The following NETO2 variants were observed in gnomAD, a reference collection of about 807,000 sequenced individuals.
The protein encoded by NETO2 is neuropilin and tolloid like 2, also known as neuropilin and tolloid-like protein 2.
NETO2 carries 28 observed loss-of-function variants against 62.5 expected under a neutral mutation model. That is an observed-to-expected ratio of 0.45 (90% CI 0.33 to 0.61). NETO2 has a LOEUF of 0.61. Ranked by LOEUF, NETO2 falls within the 20% of genes least tolerant of loss-of-function variation. The pLI is 0.02. For missense variants in NETO2, 548 were observed against 643.2 expected, an observed-to-expected ratio of 0.85 and a Z score of 1.60; for synonymous variants, 214 against 219.1, an observed-to-expected ratio of 0.98 and a Z score of 0.21.
At chr16:47,125,035 GCTGA>G (rs991121540) in intron 4 of NETO2, among the ~76,000 whole-genome samples, 5 of 152,112 alleles carry the variant, frequency 3.3e-5, no homozygotes, top group African/African-American at 9.7e-5. Flanking sequence ...TATGAAGTTG[GCTGA>G]CTTTGTCTTT....
intron 1 of NETO2, among the ~76,000 whole-genome samples, chr16:47,141,387 G>C (rs1596756410): frequency 6.6e-6 from 1 of 151,952 alleles, no homozygotes; most frequent in Non-Finnish European, 1.5e-5. Context: ...TAATGGGAAA[G>C]GCCAGTATCT....
In NETO2 at chr16:47,086,410, T is replaced by G. The variant is rs575858445; in HGVS notation, c.884-71A>C. On this transcript the variant is annotated intron_variant, in intron 7 of 8. Transcript: ENST00000562435. ...GATTTTATTTCATACATAACAAATC[T>G]GACTTTATAAGAGTACTTTCTTACC... 39 of 993,650 alleles carry G rather than the reference T, an allele frequency of 3.9e-5. No homozygotes were observed. The Admixed American group carries it at 4.1e-4, about 10-fold the overall frequency. The allele number at this position is 993,650 out of a possible 1,614,324, so 61.6% of individuals were successfully genotyped here.
intron 7 of NETO2, among the ~76,000 whole-genome samples, chr16:47,094,448 C>T (rs886350472): frequency 6.8e-6 from 1 of 146,962 alleles, no homozygotes; most frequent in Non-Finnish European, 1.5e-5. Flanking sequence ...TATTTAGAGA[C>T]GGAGTCTTAC....
chr16:47,128,002 C>T (rs1312968964), intron 4 of NETO2, among the ~76,000 whole-genome samples: 2 of 152,108 alleles, frequency 1.3e-5, no homozygotes, highest in Non-Finnish European at 2.9e-5. Context: ...GAAAACAAGA[C>T]AATTTGTTGA....
intron 1 of NETO2, among the ~76,000 whole-genome samples, chr16:47,139,476 TGG>T (rs1193385717): frequency 1.3e-5 from 2 of 152,212 alleles, no homozygotes; most frequent in Non-Finnish European, 2.9e-5. Context: ...AGCAACTCAG[TGG>T]TAAACATAAA....
In NETO2 at chr16:47,122,427, AT is replaced by A. The variant is rs545939977; in HGVS notation, c.654+229del. Among the ~76,000 whole-genome samples, 447 of 152,330 alleles carry A rather than the reference AT, an allele frequency of 2.9e-3. 1 individual carries two copies. Among genetic ancestry groups the A allele is most frequent in the African/African-American group, 0.01 (425 of 41,574 alleles). On this transcript the variant is annotated intron_variant, in intron 6 of 8. Coordinates refer to ENST00000562435, the MANE Select transcript of NETO2 (RefSeq NM_018092.5). ...TAATCTTTTATAATTGAGAATCTTA[AT>A]ATATATGTAATATTCCTGAAGAATT...
At position 47,083,028 on chromosome 16, in the gene NETO2, G is replaced by A. The variant is rs1452436255; in HGVS notation, c.*193C>T. 2.6e-5 allele frequency: 14 copies of A among 529,114 alleles called. No homozygotes were observed. Among genetic ancestry groups the A allele is most frequent in the Non-Finnish European group, 4.6e-5 (14 of 303,834 alleles). The allele number at this position is 529,114 out of a possible 1,614,324, so 32.8% of individuals were successfully genotyped here. A position where few individuals can be genotyped will look rare whatever the true frequency, so the allele number is the denominator to read the frequency against. Reference sequence around the variant, plus strand: ...ATGATTATTGTTTCCACTGAATAGAGTAAGTTCCTTGATTGGTTTAACATA... The same window carrying A: ...ATGATTATTGTTTCCACTGAATAGAATAAGTTCCTTGATTGGTTTAACATA... On this transcript the variant is annotated 3_prime_UTR_variant, in exon 9 of 9. Transcript: ENST00000562435.
intron 7 of NETO2, among the ~76,000 whole-genome samples, chr16:47,086,540 A>T (rs1217009524): frequency 6.6e-6 from 1 of 152,230 alleles, no homozygotes. Flanking sequence ...GCTAGGCCCC[A>T]AAAGGTCACT....
chr16:47,143,842 G>T lies in NETO2; in HGVS notation c.-230C>A, dbSNP rs1964518922. The stretch of plus-strand genomic sequence containing the variant: ...CGACGGGCGCCGCCTCCTGCTCCGC[G>T]GCGCCCCGTCCCATCGACCGCCCGA... On this transcript the variant is annotated 5_prime_UTR_variant, in exon 1 of 9. Coordinates refer to ENST00000562435, the MANE Select transcript of NETO2 (RefSeq NM_018092.5). 4.9e-6 allele frequency: 2 copies of T among 411,940 alleles called. No homozygotes were observed. Among genetic ancestry groups the T allele is most frequent in the Non-Finnish European group, 7.5e-6 (2 of 267,212 alleles). 25.5% of individuals were successfully genotyped at this position (411,940 alleles called of 1,614,324 possible). A position where few individuals can be genotyped will look rare whatever the true frequency, so the allele number is the denominator to read the frequency against.
At position 47,078,981 on chromosome 16, in the gene NETO2, C is replaced by G. The variant is rs1200877249; in HGVS notation, c.*4240G>C. The G allele has an allele frequency of 6.6e-6, 1 of 152,240 alleles. No homozygotes were observed. Among genetic ancestry groups the G allele is most frequent in the Non-Finnish European group, 1.5e-5 (1 of 68,048 alleles). 9.4% of individuals were successfully genotyped at this position (152,240 alleles called of 1,614,324 possible). On this transcript the variant is annotated 3_prime_UTR_variant, in exon 9 of 9. Coordinates refer to ENST00000562435, the MANE Select transcript of NETO2 (RefSeq NM_018092.5). The stretch of plus-strand genomic sequence containing the variant: ...TGGGCTGCTAAACAGAAGTGCTTGA[C>G]TTTTAAAACGTACAGCTGGGCTGGG...
At chr16:47,129,480 A>C in intron 2 of NETO2, 116 bp from the exon 3 acceptor site, 1 of 1,046,988 alleles carries the variant, frequency 9.6e-7, no homozygotes, top group Non-Finnish European at 1.4e-6. Flanking sequence ...AAAATTTTCT[A>C]AGAACCACTG....
chr16:47,142,291 G>A (rs760734789), intron 1 of NETO2, among the ~76,000 whole-genome samples: 1 of 152,182 alleles, frequency 6.6e-6, no homozygotes, highest in Non-Finnish European at 1.5e-5. Context: ...TCATCAGCTA[G>A]AAAGTCCTAG....
At chr16:47,095,389 T>C (rs1051657469) in intron 7 of NETO2, among the ~76,000 whole-genome samples, 8 of 151,952 alleles carry the variant, frequency 5.3e-5, no homozygotes, top group Non-Finnish European at 8.8e-5. Context: ...AACTCTCCAA[T>C]CAAAAGAAGA....
intron 3 of NETO2, 128 bp from the exon 4 acceptor site, chr16:47,128,701 T>G: frequency 3.1e-6 from 3 of 957,422 alleles, no homozygotes; most frequent in Non-Finnish European, 4.7e-6. Context: ...TAGTGAGAAT[T>G]GCTATACAAG....
rs1015243880 is a variant in NETO2, at chr16:47,094,412, TTTAC to T, written c.884-8077_884-8074del. On this transcript the variant is annotated intron_variant, in intron 7 of 8. Transcript: ENST00000562435. ...CCTAAAGGAAGGTTTGTTTTATTTA[TTTAC>T]TTATTTATTTATTTATTTATTTATT... is the stretch of plus-strand genomic sequence containing the variant. Among the ~76,000 whole-genome samples the T allele has an allele frequency of 1.1e-3, 168 of 149,166 alleles. 3 individuals carry two copies. The highest frequency in any genetic ancestry group is 4.2e-3 in the African/African-American group (164 of 38,948).
intron 1 of NETO2, among the ~76,000 whole-genome samples, chr16:47,136,727 C>T (rs1459701895): frequency 1.3e-5 from 2 of 152,016 alleles, no homozygotes; most frequent in East Asian, 1.9e-4. Context: ...TTATGATATA[C>T]ATGGTATTTG....
intron 7 of NETO2, among the ~76,000 whole-genome samples, chr16:47,094,118 A>G (rs1963375484): frequency 6.6e-6 from 1 of 152,236 alleles, no homozygotes; most frequent in African/African-American, 2.4e-5. Flanking sequence ...GCCCAAATGT[A>G]GATTAAAGTT....
intron 2 of NETO2, among the ~76,000 whole-genome samples, chr16:47,130,984 C>T (rs1230764727): frequency 6.7e-6 from 1 of 149,982 alleles, no homozygotes; most frequent in East Asian, 2.0e-4. Flanking sequence ...GAAACAAAAA[C>T]CAAGAGGGCC....
intron 6 of NETO2, among the ~76,000 whole-genome samples, chr16:47,114,739 C>T (rs572499961): frequency 5.1e-4 from 77 of 152,054 alleles, no homozygotes; most frequent in Middle Eastern, 6.9e-3. Context: ...TGTGAGCCAC[C>T]GCGCCCAGCC....
Sources: gnomAD v4.1 joint callset for allele counts (sites outside exome capture counted in the v4.1 genomes callset) on GRCh38, gnomAD v4.1.1 for gene constraint, MANE v1.5 for transcripts, NCBI Gene and HGNC (gene_info 2026-07-23, HGNC 2026-07-21) for gene names.